Variants in CARD8 observed in about 807,000 individuals in gnomAD.
CARD8 encodes the protein caspase recruitment domain family member 8, also known as caspase recruitment domain-containing protein 8.
In CARD8, 38 loss-of-function variants were observed where a neutral mutation model predicts 53.2. That is an observed-to-expected ratio of 0.71 (90% CI 0.55 to 0.94). CARD8 has a LOEUF of 0.94. Among genes scored for constraint, CARD8 ranks in the 40% least tolerant of loss-of-function variants. The pLI is 0.00. For missense variants in CARD8, 561 were observed against 655.5 expected, an observed-to-expected ratio of 0.86 and a Z score of 1.57; for synonymous variants, 245 against 244.9, an observed-to-expected ratio of 1.00 and a Z score of 0.00.
At position 48,231,468 on chromosome 19, in the gene CARD8, C is replaced by T. The variant is rs544306804; in HGVS notation, c.542+192G>A. On this transcript the variant is annotated intron_variant, in intron 8 of 13. Transcript: ENST00000651546. ...TACACGCGGGTGCCACCACGCCTGA[C>T]TAATTTTTGTATTTTTAGTAGAGAC... Among the ~76,000 whole-genome samples the T allele has an allele frequency of 1.1e-3, 173 of 152,188 alleles. 1 individual carries two copies. The highest frequency in any genetic ancestry group is 2.1e-3 in the Non-Finnish European group (143 of 68,004).
At position 48,249,542 on chromosome 19, in the gene CARD8, C is replaced by T. The variant is rs542238978; in HGVS notation, c.-63G>A. ...ACTCACATTGAAGATGGCCCAGATG[C>T]TTGCACTAACCGCGTTTACCGCCCA... On this transcript the variant is annotated 5_prime_UTR_variant, in exon 3 of 14. Transcript: ENST00000651546. 6.6e-6 allele frequency: 1 copy of T among 152,428 alleles called. No individual in the cohort carries two copies. The highest frequency in any genetic ancestry group is 1.5e-5 in the Non-Finnish European group (1 of 68,036). The allele number at this position is 152,428 out of a possible 1,614,324, so 9.4% of individuals were successfully genotyped here.
chr19:48,222,982 A>G (rs2040984891), intron 10 of CARD8, among the ~76,000 whole-genome samples: 1 of 152,148 alleles, frequency 6.6e-6, no homozygotes, highest in Non-Finnish European at 1.5e-5. Flanking sequence ...TATGAAAATT[A>G]TGAAGCAATA....
rs2037609360 is a variant in CARD8 at position 48,208,975 on chromosome 19, C to A, written c.*2735G>T. 1.3e-5 allele frequency: 1 copy of A among 79,004 alleles called. No homozygotes were observed. The highest frequency in any genetic ancestry group is 2.3e-5 in the Non-Finnish European group (1 of 43,238). The allele number at this position is 79,004 out of a possible 1,614,324, so 4.9% of individuals were successfully genotyped here. A position where few individuals can be genotyped will look rare whatever the true frequency, so the allele number is the denominator to read the frequency against. ...CTCCAGCCTAGATGACAGAGCGAGA[C>A]TCCATCTCAAAAAAAAAAAAAAAAA... On this transcript the variant is annotated 3_prime_UTR_variant, in exon 14 of 14. Transcript: ENST00000651546.
intron 12 of CARD8, among the ~76,000 whole-genome samples, chr19:48,216,511 C>T (rs1600122234): frequency 6.6e-6 from 1 of 152,128 alleles, no homozygotes. Context: ...AGGCCTGGGT[C>T]GGCTGAGCAT....
chr19:48,251,010 T>G (rs993787595), intron 1 of CARD8, among the ~76,000 whole-genome samples: 8 of 152,240 alleles, frequency 5.3e-5, no homozygotes, highest in Non-Finnish European at 7.3e-5. Flanking sequence ...AAACAGTTAT[T>G]CGAGACAGCA....
intron 5 of CARD8, among the ~76,000 whole-genome samples, chr19:48,237,772 G>A (rs1051792383): frequency 1.3e-5 from 2 of 151,224 alleles, no homozygotes; most frequent in Non-Finnish European, 2.9e-5. Context: ...ACTCCAGCCT[G>A]GGCAACAGAG....
At chr19:48,253,220 G>T (rs1008789614) in intron 1 of CARD8, among the ~76,000 whole-genome samples, 16 of 152,054 alleles carry the variant, frequency 1.1e-4, no homozygotes, top group African/African-American at 3.9e-4. Context: ...GCAGTGACTG[G>T]GATTACAGGT....
intron 10 of CARD8, 32 bp downstream of exon 10, chr19:48,230,406 T>C (rs757058159): frequency 6.4e-7 from 1 of 1,561,660 alleles, no homozygotes. Flanking sequence ...ATAATCGTCA[T>C]CTTCTCTGGT....
chr19:48,226,397 G>T (rs1394474908), intron 10 of CARD8, among the ~76,000 whole-genome samples: 1 of 152,012 alleles, frequency 6.6e-6, no homozygotes, highest in Admixed American at 6.6e-5. Flanking sequence ...CTAATTTTTT[G>T]TATTTTTAGT....
intron 3 of CARD8, among the ~76,000 whole-genome samples, chr19:48,245,758 T>C (rs1311859234): frequency 6.7e-6 from 1 of 148,902 alleles, no homozygotes; most frequent in Non-Finnish European, 1.5e-5. Context: ...TTGTATTATA[T>C]ATAAAATAAT....
intron 10 of CARD8, among the ~76,000 whole-genome samples, chr19:48,227,238 T>C (rs760615387): frequency 2.6e-5 from 4 of 152,152 alleles, no homozygotes; most frequent in Admixed American, 6.5e-5. Context: ...GTTGAGTCAA[T>C]ATATACAATT....
intron 5 of CARD8, among the ~76,000 whole-genome samples, chr19:48,236,570 G>A (rs933759355): frequency 1.1e-4 from 16 of 152,096 alleles, no homozygotes; most frequent in African/African-American, 3.9e-4. Context: ...CATGGTCCCC[G>A]GCGTGCAGCA....
At chr19:48,214,277 G>A (rs1480522442) in intron 13 of CARD8, among the ~76,000 whole-genome samples, 2 of 152,262 alleles carry the variant, frequency 1.3e-5, no homozygotes, top group Non-Finnish European at 1.5e-5. Context: ...AGAAATGTCA[G>A]GCAACCATCA....
intron 6 of CARD8, 117 bp from the exon 7 acceptor site, chr19:48,232,610 C>G: frequency 2.4e-6 from 2 of 827,920 alleles, no homozygotes; most frequent in Non-Finnish European, 4.0e-6. Flanking sequence ...GTAGCCGCTA[C>G]CCGGATATGC....
At chr19:48,251,387 T>C (rs1466427381) in intron 1 of CARD8, among the ~76,000 whole-genome samples, 1 of 152,236 alleles carries the variant, frequency 6.6e-6, no homozygotes, top group East Asian at 1.9e-4. Context: ...TCTCTGGTTA[T>C]GATATTGGGC....
downstream of CARD8, among the ~76,000 whole-genome samples, chr19:48,204,929 C>A (rs974108419): frequency 6.6e-6 from 1 of 152,120 alleles, no homozygotes; most frequent in Non-Finnish European, 1.5e-5. Flanking sequence ...ATTCTAATTT[C>A]GGAAAATGCA....
At chr19:48,220,767 C>T (rs1378241953) in intron 11 of CARD8, among the ~76,000 whole-genome samples, 5 of 151,792 alleles carry the variant, frequency 3.3e-5, no homozygotes, top group Non-Finnish European at 5.9e-5. Flanking sequence ...AAAAATCAGC[C>T]GGGAGTGGTG....
At chr19:48,242,852 A>G in intron 3 of CARD8, among the ~76,000 whole-genome samples, 1 of 152,060 alleles carries the variant, frequency 6.6e-6, no homozygotes, top group African/African-American at 2.4e-5. Flanking sequence ...GCCAATCTCC[A>G]TTCCCACCAG....
chr19:48,235,176 T>A (rs144813784), intron 5 of CARD8, among the ~76,000 whole-genome samples: 58 of 151,750 alleles, frequency 3.8e-4, no homozygotes, highest in African/African-American at 1.3e-3. Flanking sequence ...GAGAGTCCTA[T>A]GCTAGATCCT....
Sources: allele counts gnomAD v4.1 joint callset (sites outside exome capture counted in the v4.1 genomes callset), GRCh38; gene constraint gnomAD v4.1.1; transcripts MANE v1.5; gene names NCBI Gene and HGNC (gene_info 2026-07-23, HGNC 2026-07-21).